DLGAP1: variants seen among roughly 807,000 people sequenced by gnomAD.
DLGAP1 encodes the protein DLG associated protein 1.
DLGAP1 carries 11 observed loss-of-function variants against 90.8 expected under a neutral mutation model. That is an observed-to-expected ratio of 0.12 (90% CI 0.08 to 0.20). The LOEUF (loss-of-function observed/expected upper bound fraction) is 0.20, where lower values mean the gene tolerates loss of function less well. Among genes scored for constraint, DLGAP1 ranks in the 10% least tolerant of loss-of-function variants. The pLI, the probability that DLGAP1 is intolerant of heterozygous loss-of-function variation, is 1.00. For missense variants in DLGAP1, 1,050 were observed against 1,333.8 expected, an observed-to-expected ratio of 0.79 and a Z score of 3.31; for synonymous variants, 558 against 540.7, an observed-to-expected ratio of 1.03 and a Z score of -0.44.
intron 5 of DLGAP1, among the ~76,000 whole-genome samples, chr18:3,764,611 T>C (rs1478885631): frequency 6.6e-6 from 1 of 152,224 alleles, no homozygotes; most frequent in Non-Finnish European, 1.5e-5. Context: ...TTCGAAATCA[T>C]CCCAAACCAT....
intron 1 of DLGAP1, among the ~76,000 whole-genome samples, chr18:4,201,040 T>C (rs1294594153): frequency 6.6e-6 from 1 of 152,216 alleles, no homozygotes; most frequent in Non-Finnish European, 1.5e-5. Context: ...GATTAGATTC[T>C]AGATATTAGT....
chr18:4,364,784 T>C (rs2081723302), intron 1 of DLGAP1, among the ~76,000 whole-genome samples: 1 of 152,186 alleles, frequency 6.6e-6, no homozygotes, highest in Admixed American at 6.5e-5. Flanking sequence ...CTTTTTGATG[T>C]GGGCATTTAG....
chr18:4,085,974 T>C (rs997533997), intron 2 of DLGAP1, among the ~76,000 whole-genome samples: 35 of 152,190 alleles, frequency 2.3e-4, no homozygotes, highest in African/African-American at 7.7e-4. Context: ...ACTTAATAAA[T>C]TGGTAACATA....
At chr18:3,616,776 AAACT>A (rs1227984182) in intron 7 of DLGAP1, among the ~76,000 whole-genome samples, 7 of 151,794 alleles carry the variant, frequency 4.6e-5, no homozygotes, top group Non-Finnish European at 8.8e-5. Context: ...AGAAACAAAC[AAACT>A]GGAAAAAAAA....
rs1439289256 is a variant in DLGAP1 at position 3,727,957 on chromosome 18, C to T, written c.1591+1178G>A. The stretch of plus-strand genomic sequence containing the variant: ...TCAGTCTGCGGTGGTCAAGAATGAA[C>T]TCCTCTTGTTTAACCCATATATTTA... On this transcript the variant is annotated intron_variant, in intron 7 of 12. Coordinates refer to ENST00000315677, the MANE Select transcript of DLGAP1 (RefSeq NM_004746.4). The surrounding 1 kb of genome is among the most constrained non-coding windows in gnomAD (Gnocchi z 4.7). The T allele has an allele frequency of 6.6e-6, 1 of 152,008 alleles. No homozygotes were observed. Among genetic ancestry groups the T allele is most frequent in the Non-Finnish European group, 1.5e-5 (1 of 68,014 alleles). 9.4% of individuals were successfully genotyped at this position (152,008 alleles called of 1,614,324 possible).
intron 1 of DLGAP1, among the ~76,000 whole-genome samples, chr18:4,234,750 A>G (rs2078371244): frequency 6.6e-6 from 1 of 152,196 alleles, no homozygotes; most frequent in South Asian, 2.1e-4. Flanking sequence ...TCAACTCTCT[A>G]CAAGTCTCAG....
At chr18:4,178,504 T>C (rs1418013532) in intron 1 of DLGAP1, among the ~76,000 whole-genome samples, 1 of 152,194 alleles carries the variant, frequency 6.6e-6, no homozygotes, top group African/African-American at 2.4e-5. Flanking sequence ...TTATTTATCT[T>C]TGTGTATCTC....
In DLGAP1 at chr18:3,652,310, T is replaced by C. The variant is rs150285243; in HGVS notation, c.1592-70062A>G. Among the ~76,000 whole-genome samples the C allele has an allele frequency of 2.7e-3, 409 of 152,254 alleles. 1 individual carries two copies. Among genetic ancestry groups the C allele is most frequent in the African/African-American group, 8.9e-3 (368 of 41,542 alleles). The stretch of plus-strand genomic sequence containing the variant: ...TTTGGACACCTGGCTTGTCATACTA[T>C]GAACAACAGAATTTCCTTAAAAAGT... On this transcript the variant is annotated intron_variant, in intron 7 of 12. Coordinates refer to ENST00000315677, the MANE Select transcript of DLGAP1 (RefSeq NM_004746.4).
intron 1 of DLGAP1, among the ~76,000 whole-genome samples, chr18:4,285,853 C>T (rs2079676785): frequency 6.6e-6 from 1 of 152,184 alleles, no homozygotes; most frequent in African/African-American, 2.4e-5. Flanking sequence ...CTTGTCTTGT[C>T]TACCTGTTAA....
At chr18:4,337,332 T>TTG (rs2081092917) in intron 1 of DLGAP1, among the ~76,000 whole-genome samples, 1 of 149,916 alleles carries the variant, frequency 6.7e-6, no homozygotes, top group African/African-American at 2.4e-5. Flanking sequence ...TAGCTGGGAC[T>TTG]ACAGGTGCAT....
intron 8 of DLGAP1, among the ~76,000 whole-genome samples, chr18:3,575,411 A>G (rs1022390860): frequency 6.6e-6 from 1 of 152,152 alleles, no homozygotes; most frequent in Non-Finnish European, 1.5e-5. Context: ...ATTGAGTTAA[A>G]TGATAATATA....
At chr18:4,124,926 G>A (rs778223653) in intron 2 of DLGAP1, among the ~76,000 whole-genome samples, 7 of 152,280 alleles carry the variant, frequency 4.6e-5, no homozygotes, top group Non-Finnish European at 7.3e-5. Context: ...ACTAGCCAGA[G>A]TTCATGGGCA....
At chr18:4,270,934 C>G (rs964441329) in intron 1 of DLGAP1, among the ~76,000 whole-genome samples, 4 of 152,154 alleles carry the variant, frequency 2.6e-5, no homozygotes, top group African/African-American at 9.7e-5. Flanking sequence ...ATCACTAGAA[C>G]ATTTTATGAA....
rs561743985 is a variant in DLGAP1 at position 4,183,277 on chromosome 18, A to G, written c.-266-31990T>C. On this transcript the variant is annotated intron_variant, in intron 1 of 12. Transcript: ENST00000315677. ...AATTGAGATTTAAGAAAAATAGACG[A>G]GTTTAACTCTAGTGCAAAATAAAAT... 1.1e-4 allele frequency among the ~76,000 whole-genome samples: 16 copies of G among 152,270 alleles called. 1 individual carries two copies. In the South Asian group the frequency reaches 3.1e-3, roughly 30 times the overall value.
intron 1 of DLGAP1, among the ~76,000 whole-genome samples, chr18:4,209,022 T>C (rs1170930679): frequency 2.0e-5 from 3 of 152,112 alleles, no homozygotes; most frequent in African/African-American, 4.8e-5. Context: ...ACGGTAACTG[T>C]CCTCAGGTGA....
At chr18:3,513,943 T>A (rs2050683680) in intron 10 of DLGAP1, among the ~76,000 whole-genome samples, 1 of 152,228 alleles carries the variant, frequency 6.6e-6, no homozygotes, top group Non-Finnish European at 1.5e-5. Flanking sequence ...CCAGTGGGTC[T>A]ATGGCAAAGC....
chr18:3,651,944 C>T (rs1177017156), intron 7 of DLGAP1, among the ~76,000 whole-genome samples: 1 of 151,834 alleles, frequency 6.6e-6, no homozygotes, highest in Non-Finnish European at 1.5e-5. Flanking sequence ...GCGCTCCAGC[C>T]TGGGAGACAG....
At position 4,347,236 on chromosome 18, in the gene DLGAP1, C is replaced by G. The variant is rs190019700; in HGVS notation, c.-267+107770G>C. On this transcript the variant is annotated intron_variant, in intron 1 of 12. Coordinates refer to ENST00000315677, the MANE Select transcript of DLGAP1 (RefSeq NM_004746.4). ...TGAATATCATAAAAAACAACCAGGC[C>G]CAGATAGTGTCATGGTAAAAATCTA... Among the ~76,000 whole-genome samples, 1,000 of 151,966 alleles carry G rather than the reference C, an allele frequency of 6.6e-3. 9 individuals are homozygous for G. The highest frequency in any genetic ancestry group is 0.013 in the Admixed American group (198 of 15,268).
intron 1 of DLGAP1, among the ~76,000 whole-genome samples, chr18:4,243,519 A>C (rs1206649222): frequency 1.3e-5 from 2 of 152,214 alleles, no homozygotes; most frequent in Admixed American, 6.5e-5. Context: ...ATCTCATCAT[A>C]TAACAAGTTA....
Sources: allele counts gnomAD v4.1 joint callset (sites outside exome capture counted in the v4.1 genomes callset), GRCh38; gene constraint gnomAD v4.1.1; non-coding constraint Gnocchi (gnomAD v3.1); transcripts MANE v1.5; gene names NCBI Gene and HGNC (gene_info 2026-07-23, HGNC 2026-07-21).